The following KCNK13 variants were observed in gnomAD, a reference collection of about 807,000 sequenced individuals.
The protein encoded by KCNK13 is potassium channel subfamily K member 13.
KCNK13 carries 12 observed loss-of-function variants against 23.4 expected under a neutral mutation model. The ratio of observed to expected loss-of-function variants is 0.51; its 90% CI spans 0.33 to 0.83. The LOEUF (loss-of-function observed/expected upper bound fraction) is 0.83. Ranked by LOEUF, KCNK13 falls within the 40% of genes least tolerant of loss-of-function variation. The pLI is 0.02. For missense variants in KCNK13, 463 were observed against 556.3 expected, an observed-to-expected ratio of 0.83 and a Z score of 1.69; for synonymous variants, 231 against 229.5, an observed-to-expected ratio of 1.01 and a Z score of -0.06.
At chr14:90,084,480 G>A (rs2140396915) in intron 1 of KCNK13, among the ~76,000 whole-genome samples, 1 of 152,248 alleles carries the variant, frequency 6.6e-6, no homozygotes, top group African/African-American at 2.4e-5. Flanking sequence ...TTGCATGTTG[G>A]TCTTGTATCC....
chr14:90,184,765 A>T lies in KCNK13; in HGVS notation c.989A>T (p.Asp330Val). Reference sequence around the variant, plus strand: ...CGCTGCAACATCTCCATAGAGACAGACGGGGTGGCAGAGAGTGACACGGAC... The same window carrying T: ...CGCTGCAACATCTCCATAGAGACAGTCGGGGTGGCAGAGAGTGACACGGAC... ...RNRCNISIET[D>V]GVAESDTDGR... is the part of the protein sequence containing the mutation. Residue 330 changes from aspartate (D) to valine (V), a missense_variant, in exon 2 of 2, where the codon GAC becomes GTC. By Grantham distance (152) the Asp-to-Val change is radical (BLOSUM62 -3). This residue lies in a region of KCNK13 where 166 missense variants were observed against 178.8 expected (regional missense o/e 0.93). Coordinates refer to ENST00000282146, the MANE Select transcript of KCNK13 (RefSeq NM_022054.4). This position sits in a 1 kb window ranked among gnomAD's most constrained non-coding sequence, Gnocchi z 5.6. 1 of 1,613,666 alleles carries T rather than the reference A, an allele frequency of 6.2e-7. No homozygotes were observed. Among genetic ancestry groups the T allele is most frequent in the Non-Finnish European group, 8.5e-7 (1 of 1,179,618 alleles).
chr14:90,089,672 A>T (rs1889320050), intron 1 of KCNK13, among the ~76,000 whole-genome samples: 1 of 152,242 alleles, frequency 6.6e-6, no homozygotes, highest in Non-Finnish European at 1.5e-5. Context: ...TTTTCACAGT[A>T]GCCCCTCCCA....
intron 1 of KCNK13, among the ~76,000 whole-genome samples, chr14:90,144,896 C>G (rs943605305): frequency 6.6e-6 from 1 of 152,080 alleles, no homozygotes; most frequent in Non-Finnish European, 1.5e-5. Flanking sequence ...AAAGCATTGT[C>G]TCTCATCATT....
Position 90,184,285 on chromosome 14 carries a change from C to T in KCNK13, c.509C>T (p.Ala170Val). 1 of 1,614,256 alleles carries T rather than the reference C, an allele frequency of 6.2e-7. No homozygotes were observed. ...CHQRQLRRRG[A>V]LPQESLKDAG... is the part of the protein sequence containing the mutation. ...CAGCGGCAGCTCCGGAGACGAGGGG[C>T]CCTGCCCCAGGAGAGCCTGAAGGAT... is the stretch of plus-strand genomic sequence containing the variant. The change falls in exon 2 of 2, where the codon GCC becomes GTC. Residue 170 changes from alanine to valine, a missense_variant. Ala to Val is a moderately conservative substitution (Grantham distance 64). Transcript: ENST00000282146. The surrounding 1 kb of genome is among the most constrained non-coding windows in gnomAD (Gnocchi z 5.6).
At chr14:90,112,422 GTGTC>G (rs1889626615) in intron 1 of KCNK13, among the ~76,000 whole-genome samples, 1 of 152,196 alleles carries the variant, frequency 6.6e-6, no homozygotes, top group African/African-American at 2.4e-5. Flanking sequence ...CATCTCTAGA[GTGTC>G]TGAGAAGAGC....
At chr14:90,135,860 T>G (rs1472198252) in intron 1 of KCNK13, among the ~76,000 whole-genome samples, 1 of 152,180 alleles carries the variant, frequency 6.6e-6, no homozygotes, top group Non-Finnish European at 1.5e-5. Context: ...TTCACCTTCA[T>G]GGTGACAGCC....
At chr14:90,068,066 C>T (rs923114410) in intron 1 of KCNK13, among the ~76,000 whole-genome samples, 1 of 152,148 alleles carries the variant, frequency 6.6e-6, no homozygotes, top group African/African-American at 2.4e-5. Context: ...CTTGGCTCCT[C>T]TTCCTCAGCA....
intron 1 of KCNK13, among the ~76,000 whole-genome samples, chr14:90,153,567 G>C (rs1395617217): frequency 6.6e-6 from 1 of 152,178 alleles, no homozygotes; most frequent in African/African-American, 2.4e-5. Flanking sequence ...CTTGCAGGCA[G>C]GAACTGTGTT....
At chr14:90,143,532 G>A (rs1454200684) in intron 1 of KCNK13, among the ~76,000 whole-genome samples, 1 of 152,088 alleles carries the variant, frequency 6.6e-6, no homozygotes, top group Admixed American at 6.6e-5. Context: ...GTACATGTCT[G>A]TCTTTATGCC....
At chr14:90,180,084 A>C (rs1304122000) in intron 1 of KCNK13, among the ~76,000 whole-genome samples, 1 of 152,194 alleles carries the variant, frequency 6.6e-6, no homozygotes, top group East Asian at 1.9e-4. Context: ...CAGCCTAGTC[A>C]GGTGGAAAAA....
rs144054750 is a variant in KCNK13 at position 90,084,730 on chromosome 14, T to C, written c.334+22191T>C. ...CTGATCTTGAAGGAAAGTTTCAGTC[T>C]TTCACTATTGAGTATGAAATTGGTT... is the stretch of plus-strand genomic sequence containing the variant. On this transcript the variant is annotated intron_variant, in intron 1 of 1. Transcript: ENST00000282146. Among the ~76,000 whole-genome samples the C allele has an allele frequency of 4.8e-3, 735 of 152,290 alleles. 3 individuals are homozygous for C. Among genetic ancestry groups the C allele is most frequent in the African/African-American group, 0.017 (694 of 41,572 alleles).
chr14:90,126,476 A>G, intron 1 of KCNK13, among the ~76,000 whole-genome samples: 1 of 151,858 alleles, frequency 6.6e-6, no homozygotes, highest in Non-Finnish European at 1.5e-5. Context: ...ACGTGACGTG[A>G]TGAGAATAGC....
chr14:90,117,435 C>A (rs1889689567), intron 1 of KCNK13, among the ~76,000 whole-genome samples: 1 of 152,038 alleles, frequency 6.6e-6, no homozygotes, highest in African/African-American at 2.4e-5. Context: ...ACTCAAAATA[C>A]AAAAATTAGC....
At chr14:90,131,243 G>GT (rs1293304466) in intron 1 of KCNK13, among the ~76,000 whole-genome samples, 1 of 151,558 alleles carries the variant, frequency 6.6e-6, no homozygotes, top group East Asian at 1.9e-4. Flanking sequence ...TTATTATTAT[G>GT]TTTTTTGAGA....
At chr14:90,116,910 A>G (rs987263246) in intron 1 of KCNK13, among the ~76,000 whole-genome samples, 1 of 152,170 alleles carries the variant, frequency 6.6e-6, no homozygotes, top group African/African-American at 2.4e-5. Flanking sequence ...TATTTAGAGA[A>G]TCTATTTCAA....
At chr14:90,090,439 A>C (rs1043591000) in intron 1 of KCNK13, among the ~76,000 whole-genome samples, 6 of 152,210 alleles carry the variant, frequency 3.9e-5, no homozygotes, top group Non-Finnish European at 5.9e-5. Context: ...CATTGTATTT[A>C]GGAAGTAACT....
At chr14:90,159,946 GGT>G (rs3060015) in intron 1 of KCNK13, among the ~76,000 whole-genome samples, 48,400 of 148,100 alleles carry the variant, frequency 0.33, 8,259 homozygotes, top group African/African-American at 0.39. Flanking sequence ...TGTGTGTAGG[GGT>G]GTGTGTGTGT....
At position 90,099,968 on chromosome 14, in the gene KCNK13, C is replaced by T. The variant is rs139875456; in HGVS notation, c.334+37429C>T. 2.8e-3 allele frequency among the ~76,000 whole-genome samples: 432 copies of T among 152,332 alleles called. 3 individuals carry two copies. Among genetic ancestry groups the T allele is most frequent in the African/African-American group, 1.0e-2 (415 of 41,572 alleles). ...TCCCTGATGGAGACTAAGAACCCAA[C>T]TAACCACGCAGCTCTGGACTCTTCT... On this transcript the variant is annotated intron_variant, in intron 1 of 1. Transcript: ENST00000282146.
At position 90,184,671 on chromosome 14, in the gene KCNK13, T is replaced by G. The variant is rs1490196169; in HGVS notation, c.895T>G (p.Cys299Gly). Residue 299 changes from cysteine (C) to glycine (G), a missense_variant, in exon 2 of 2, where the codon TGC becomes GGC. Transcript: ENST00000282146. This position sits in a 1 kb window ranked among gnomAD's most constrained non-coding sequence, Gnocchi z 5.6. ...WILRKMDSGCCPQCQRGLLRS... is the reference protein window; with the variant it reads ...WILRKMDSGCGPQCQRGLLRS... ...CCTGAGGAAAATGGACAGCGGGTGC[T>G]GCCCGCAATGCCAGAGAGGACTCTT... is the stretch of plus-strand genomic sequence containing the variant. 1 of 1,614,250 alleles carries G rather than the reference T, an allele frequency of 6.2e-7. No homozygotes were observed. The highest frequency in any genetic ancestry group is 1.7e-5 in the Admixed American group (1 of 60,030).
Sources: allele counts gnomAD v4.1 joint callset (sites outside exome capture counted in the v4.1 genomes callset), GRCh38; gene constraint gnomAD v4.1.1; regional missense constraint gnomAD v4.1.1; non-coding constraint Gnocchi (gnomAD v3.1); transcripts MANE v1.5; gene names NCBI Gene and HGNC (gene_info 2026-07-23, HGNC 2026-07-21).